Variants in GRIK4 observed in about 807,000 individuals in gnomAD.
The protein encoded by GRIK4 is glutamate ionotropic receptor kainate type subunit 4, also known as glutamate receptor ionotropic, kainate 4.
Under a neutral mutation model 104.9 loss-of-function variants are expected in GRIK4, and 40 were observed. That is an observed-to-expected ratio of 0.38 (90% CI 0.30 to 0.50). GRIK4 has a LOEUF of 0.50. Ranked by LOEUF, GRIK4 falls within the 20% of genes least tolerant of loss-of-function variation. The pLI is 0.93. For missense variants in GRIK4, 1,047 were observed against 1,308.1 expected (o/e 0.80, Z 3.08); for synonymous variants, 485 against 524.9 (o/e 0.92, Z 1.04).
At chr11:120,728,950 T>C (rs1391549313) in intron 3 of GRIK4, among the ~76,000 whole-genome samples, 1 of 152,184 alleles carries the variant, frequency 6.6e-6, no homozygotes, top group African/African-American at 2.4e-5. Flanking sequence ...ATCCTTCTAC[T>C]CTCTTTCTCC....
At chr11:120,529,695 C>CAT (rs527490340) in intron 1 of GRIK4, among the ~76,000 whole-genome samples, 2 of 152,192 alleles carry the variant, frequency 1.3e-5, no homozygotes, top group Non-Finnish European at 2.9e-5. Context: ...TAGGGAGTAG[C>CAT]CTCTCTCGCA....
intron 3 of GRIK4, among the ~76,000 whole-genome samples, chr11:120,790,627 G>A (rs1016076745): frequency 6.6e-6 from 1 of 152,240 alleles, no homozygotes; most frequent in South Asian, 2.1e-4. Context: ...GCAAAGACAT[G>A]TTGGGGCCAG....
Position 120,986,100 on chromosome 11 carries a change from G to C in GRIK4, c.2711G>C (p.Arg904Thr). 6.6e-7 allele frequency: 1 copy of C among 1,513,510 alleles called. No homozygotes were observed. Among genetic ancestry groups the C allele is most frequent in the South Asian group, 1.2e-5 (1 of 81,530 alleles). The allele number at this position is 1,513,510 out of a possible 1,614,324, so 93.8% of individuals were successfully genotyped here. A position where few individuals can be genotyped will look rare whatever the true frequency, so the allele number is the denominator to read the frequency against. The change falls in exon 21 of 21, where the codon AGA becomes ACA. Residue 904 changes from arginine (R) to threonine (T), a missense_variant. Physicochemically the swap from Arg to Thr is moderately conservative, Grantham distance 71. Transcript: ENST00000527524. ...GGGGAGCCCGACCAGCTCGCGCAGA[G>C]ACTGGCGCAGGAGGCCGCCCTGGTG... Reference protein sequence around the residue: ...GAGEPDQLAQRLAQEAALVAR... With the variant: ...GAGEPDQLAQTLAQEAALVAR...
At chr11:120,527,527 G>T (rs990815998) in intron 1 of GRIK4, among the ~76,000 whole-genome samples, 2 of 152,198 alleles carry the variant, frequency 1.3e-5, no homozygotes, top group Non-Finnish European at 2.9e-5. Flanking sequence ...CCGTGCTGGG[G>T]ATTTATCTCC....
At chr11:120,934,882 T>C (rs1193467052) in intron 13 of GRIK4, among the ~76,000 whole-genome samples, 1 of 152,184 alleles carries the variant, frequency 6.6e-6, no homozygotes, top group Non-Finnish European at 1.5e-5. Flanking sequence ...ACCCTGTGGC[T>C]CTAATGGTCC....
chr11:120,796,890 G>C (rs574811198), intron 3 of GRIK4, among the ~76,000 whole-genome samples: 2 of 152,062 alleles, frequency 1.3e-5, no homozygotes, highest in South Asian at 2.1e-4. Context: ...GGCGCTGCAG[G>C]GGGGAGGAGT....
In GRIK4 at chr11:120,874,092, T is replaced by C; in HGVS notation, c.933T>C (p.Ala311=). 1 of 1,611,718 alleles carries C rather than the reference T, an allele frequency of 6.2e-7. No homozygotes were observed. Among genetic ancestry groups the C allele is most frequent in the South Asian group, 1.1e-5 (1 of 90,974 alleles). ...TCTCCTCGGCCCTGCTGTTTGATGCTGTCTATGCTGTGGTGACTGCGGTGC... is the reference window on the plus strand; with the variant it reads ...TCTCCTCGGCCCTGCTGTTTGATGCCGTCTATGCTGTGGTGACTGCGGTGC... ...PALSSALLFD[A]VYAVVTAVQE... is the part of the protein sequence containing the mutation. The change falls in exon 10 of 21, where the codon GCT becomes GCC. Residue 311 remains alanine, a synonymous_variant. Coordinates refer to ENST00000527524, the MANE Select transcript of GRIK4 (RefSeq NM_014619.5).
At chr11:120,840,011 C>A (rs950953284) in intron 8 of GRIK4, among the ~76,000 whole-genome samples, 4 of 152,158 alleles carry the variant, frequency 2.6e-5, no homozygotes, top group Admixed American at 2.0e-4. Flanking sequence ...GTGACTGATG[C>A]AATAAGAGGA....
At chr11:120,729,406 A>C (rs1292030104) in intron 3 of GRIK4, among the ~76,000 whole-genome samples, 1 of 152,184 alleles carries the variant, frequency 6.6e-6, no homozygotes, top group Admixed American at 6.5e-5. Flanking sequence ...TTTTCTCCAC[A>C]TGCTTGCCAG....
Position 120,524,219 on chromosome 11 carries a change from C to T in GRIK4, c.-159+12332C>T, listed in dbSNP as rs574011208. ...GGATTAGCGGCGTGAGCCACCGCGT[C>T]TGGCCGTTTCTGCATTCTTTCCCCA... On this transcript the variant is annotated intron_variant, in intron 1 of 20. Transcript: ENST00000527524. The surrounding 1 kb of genome is among the most constrained non-coding windows in gnomAD (Gnocchi z 4.5). 1.3e-5 allele frequency among the ~76,000 whole-genome samples: 2 copies of T among 152,224 alleles called. No individual in the cohort carries two copies. Among genetic ancestry groups the T allele is most frequent in the Non-Finnish European group, 1.5e-5 (1 of 68,046 alleles).
intron 3 of GRIK4, among the ~76,000 whole-genome samples, chr11:120,705,425 C>T (rs1378955191): frequency 1.3e-5 from 2 of 152,032 alleles, no homozygotes; most frequent in African/African-American, 2.4e-5. Flanking sequence ...AAGGTTTCAC[C>T]ATGTTGGCCA....
At chr11:120,537,063 G>T (rs568494057) in intron 1 of GRIK4, among the ~76,000 whole-genome samples, 1 of 152,366 alleles carries the variant, frequency 6.6e-6, no homozygotes, top group East Asian at 1.9e-4. Context: ...TCTTTCGGAA[G>T]AGAGCTGGCA....
chr11:120,864,259 G>A (rs1954339430), intron 9 of GRIK4, among the ~76,000 whole-genome samples: 1 of 141,198 alleles, frequency 7.1e-6, no homozygotes, highest in South Asian at 2.2e-4. Flanking sequence ...ATTTATTTTT[G>A]AGATGGAGTC....
intron 20 of GRIK4, among the ~76,000 whole-genome samples, chr11:120,985,338 C>CAGTA (rs1944724194): frequency 6.6e-6 from 1 of 152,166 alleles, no homozygotes; most frequent in Admixed American, 6.5e-5. Context: ...GATACATACT[C>CAGTA]TACTGTTTGT....
chr11:120,824,485 G>A (rs1308095886), intron 6 of GRIK4, among the ~76,000 whole-genome samples: 1 of 151,746 alleles, frequency 6.6e-6, no homozygotes, highest in Admixed American at 6.6e-5. Context: ...ATAACATGCC[G>A]TGTATTTCCC....
intron 2 of GRIK4, among the ~76,000 whole-genome samples, chr11:120,654,342 G>T (rs537224411): frequency 1.6e-4 from 25 of 152,282 alleles, no homozygotes; most frequent in African/African-American, 5.8e-4. Context: ...TGGCCATGAA[G>T]AGTTAGTATT....
chr11:120,889,619 T>TTA (rs1955224199), intron 11 of GRIK4, among the ~76,000 whole-genome samples: 2 of 138,738 alleles, frequency 1.4e-5, no homozygotes, highest in South Asian at 2.3e-4. Flanking sequence ...TTTTTTTTTT[T>TTA]ATGAGATGGA....
intron 3 of GRIK4, among the ~76,000 whole-genome samples, chr11:120,793,369 C>G (rs1006542829): frequency 1.4e-4 from 21 of 152,010 alleles, no homozygotes; most frequent in African/African-American, 4.8e-4. Context: ...AGGGGCGGGC[C>G]TTGACTGTTA....
intron 1 of GRIK4, among the ~76,000 whole-genome samples, chr11:120,525,777 G>A (rs922484648): frequency 2.0e-5 from 3 of 152,128 alleles, no homozygotes; most frequent in African/African-American, 7.2e-5. Flanking sequence ...CTGGTTTGAC[G>A]TGTGGGAAGT....
Sources: allele counts gnomAD v4.1 joint callset (sites outside exome capture counted in the v4.1 genomes callset), GRCh38; gene constraint gnomAD v4.1.1; non-coding constraint Gnocchi (gnomAD v3.1); transcripts MANE v1.5; gene names NCBI Gene and HGNC (gene_info 2026-07-23, HGNC 2026-07-21).